Variants in ST6GALNAC3 observed in about 807,000 individuals in gnomAD.
ST6GALNAC3 encodes the protein ST6 N-acetylgalactosaminide alpha-2,6-sialyltransferase 3, also known as alpha-N-acetylgalactosaminide alpha-2,6-sialyltransferase 3.
Under a neutral mutation model 32.7 loss-of-function variants are expected in ST6GALNAC3, and 25 were observed. That is an observed-to-expected ratio of 0.76 (90% CI 0.56 to 1.07). The LOEUF is 1.07. Ranked by LOEUF, ST6GALNAC3 falls within the 50% of genes least tolerant of loss-of-function variation. The pLI is 0.00. For missense variants in ST6GALNAC3, 355 were observed against 382.4 expected, an observed-to-expected ratio of 0.93 and a Z score of 0.60; for synonymous variants, 129 against 133.1, an observed-to-expected ratio of 0.97 and a Z score of 0.21.
At chr1:76,324,674 T>C (rs1324049635) in intron 2 of ST6GALNAC3, among the ~76,000 whole-genome samples, 1 of 152,116 alleles carries the variant, frequency 6.6e-6, no homozygotes, top group African/African-American at 2.4e-5. Flanking sequence ...CTAAATGCAA[T>C]GTGGTATCCT....
intron 1 of ST6GALNAC3, among the ~76,000 whole-genome samples, chr1:76,252,745 T>C (rs945541928): frequency 2.0e-5 from 3 of 152,160 alleles, no homozygotes; most frequent in African/African-American, 7.2e-5. Flanking sequence ...GTTATTACAT[T>C]TAAGAATCTC....
chr1:76,325,965 A>G (rs1647061026), intron 2 of ST6GALNAC3, among the ~76,000 whole-genome samples: 1 of 152,078 alleles, frequency 6.6e-6, no homozygotes, highest in East Asian at 2.0e-4. Context: ...GAATTTCAGC[A>G]TCATTTTATT....
chr1:76,308,175 T>G (rs1234836954), intron 1 of ST6GALNAC3, among the ~76,000 whole-genome samples: 1 of 152,118 alleles, frequency 6.6e-6, no homozygotes, highest in African/African-American at 2.4e-5. Flanking sequence ...TTGGAATATT[T>G]AAGAAAAAAA....
At chr1:76,326,783 G>A (rs1032237593) in intron 2 of ST6GALNAC3, among the ~76,000 whole-genome samples, 5 of 145,132 alleles carry the variant, frequency 3.4e-5, no homozygotes, top group African/African-American at 5.0e-5. Context: ...CCTGCATTTG[G>A]TTGCTATACT....
intron 1 of ST6GALNAC3, among the ~76,000 whole-genome samples, chr1:76,109,757 C>T (rs1647796355): frequency 6.6e-6 from 1 of 152,194 alleles, no homozygotes; most frequent in Admixed American, 6.5e-5. Flanking sequence ...GTCATTCTTC[C>T]CTGAAAACTG....
intron 3 of ST6GALNAC3, among the ~76,000 whole-genome samples, chr1:76,535,134 A>C (rs1021959685): frequency 6.6e-6 from 1 of 152,164 alleles, no homozygotes; most frequent in Non-Finnish European, 1.5e-5. Flanking sequence ...AAGAGATGAG[A>C]AAACATCCTA....
chr1:76,620,352 A>G (rs1648557965), intron 3 of ST6GALNAC3, among the ~76,000 whole-genome samples: 1 of 152,058 alleles, frequency 6.6e-6, no homozygotes. Context: ...TCCTGGAAAA[A>G]GCAGTGGGGA....
intron 3 of ST6GALNAC3, among the ~76,000 whole-genome samples, chr1:76,444,361 T>G (rs193205610): frequency 1.2e-4 from 18 of 152,306 alleles, no homozygotes; most frequent in Admixed American, 9.8e-4. Context: ...GGTCTAGACA[T>G]TCACTTAACA....
intron 2 of ST6GALNAC3, among the ~76,000 whole-genome samples, chr1:76,365,994 A>C (rs1650338720): frequency 6.6e-6 from 1 of 152,176 alleles, no homozygotes; most frequent in Admixed American, 6.5e-5. Context: ...AATTGTCAGC[A>C]TCAGGAAAAG....
At chr1:76,255,832 A>G (rs1405201633) in intron 1 of ST6GALNAC3, among the ~76,000 whole-genome samples, 1 of 152,160 alleles carries the variant, frequency 6.6e-6, no homozygotes, top group East Asian at 1.9e-4. Flanking sequence ...CTAGAAGAGT[A>G]GAAAAAAGGA....
chr1:76,374,810 C>T (rs961173231), intron 2 of ST6GALNAC3, among the ~76,000 whole-genome samples: 2 of 152,064 alleles, frequency 1.3e-5, no homozygotes, highest in Admixed American at 6.6e-5. Context: ...CATTTTTATT[C>T]GTTGATTCTT....
intron 3 of ST6GALNAC3, among the ~76,000 whole-genome samples, chr1:76,520,788 A>G (rs1341317607): frequency 6.6e-6 from 1 of 152,162 alleles, no homozygotes; most frequent in South Asian, 2.1e-4. Context: ...ATATCAATAT[A>G]GCCATACCAG....
intron 1 of ST6GALNAC3, among the ~76,000 whole-genome samples, chr1:76,292,277 C>T (rs957896418): frequency 1.4e-5 from 1 of 73,802 alleles, no homozygotes; most frequent in African/African-American, 3.4e-5. Context: ...GAAATGGTAG[C>T]TTCAGTAGAG....
At chr1:76,178,084 A>T (rs974255141) in intron 1 of ST6GALNAC3, among the ~76,000 whole-genome samples, 1 of 152,242 alleles carries the variant, frequency 6.6e-6, no homozygotes, top group East Asian at 1.9e-4. Context: ...TGTCAAACCT[A>T]TGGAGTGTTA....
chr1:76,369,349 C>A (rs1386236046), intron 2 of ST6GALNAC3, among the ~76,000 whole-genome samples: 1 of 152,160 alleles, frequency 6.6e-6, no homozygotes, highest in African/African-American at 2.4e-5. Context: ...TCCTCTTCCA[C>A]TTGCAGGTAG....
chr1:76,429,334 G>A (rs1655596721), intron 3 of ST6GALNAC3, among the ~76,000 whole-genome samples: 1 of 152,076 alleles, frequency 6.6e-6, no homozygotes, highest in African/African-American at 2.4e-5. Context: ...CATGTATAAA[G>A]TAGTGTCTAT....
intron 2 of ST6GALNAC3, among the ~76,000 whole-genome samples, chr1:76,365,122 A>G (rs748275016): frequency 6.6e-6 from 1 of 152,260 alleles, no homozygotes; most frequent in Non-Finnish European, 1.5e-5. Context: ...GTACATATAT[A>G]CCATGGAATA....
chr1:76,134,289 A>G (rs1463253795), intron 1 of ST6GALNAC3, among the ~76,000 whole-genome samples: 1 of 152,224 alleles, frequency 6.6e-6, no homozygotes, highest in Non-Finnish European at 1.5e-5. Context: ...TCACAGCTGT[A>G]TCCTTACTCA....
At chr1:76,331,745 G>GA (rs1202242988) in intron 2 of ST6GALNAC3, among the ~76,000 whole-genome samples, 3 of 152,150 alleles carry the variant, frequency 2.0e-5, no homozygotes, top group African/African-American at 7.2e-5. Context: ...GTCTTTCTGT[G>GA]AAAAACTGTC....
Sources: gnomAD v4.1 joint callset for allele counts (sites outside exome capture counted in the v4.1 genomes callset) on GRCh38, gnomAD v4.1.1 for gene constraint, MANE v1.5 for transcripts, NCBI Gene and HGNC (gene_info 2026-07-23, HGNC 2026-07-21) for gene names.